Variants in DMD observed in about 807,000 individuals in gnomAD.
DMD encodes dystrophin.
Under a neutral mutation model 330.1 loss-of-function variants are expected in DMD, and 63 were observed. That is an observed-to-expected ratio of 0.19 (90% CI 0.16 to 0.24). DMD has a LOEUF of 0.24. DMD is among the 10% of genes least tolerant of loss of function. The pLI is 1.00. For synonymous variants in DMD, 1,223 were observed against 959.8 expected (o/e 1.27, Z -5.07); for missense variants, 3,344 against 2,684.1 (o/e 1.25, Z -5.43).
At chrX:31,151,131 C>T (rs983506134) in intron 74 of DMD, among the ~76,000 whole-genome samples, 2 of 111,710 alleles carry the variant, frequency 1.8e-5, no homozygotes, top group Non-Finnish European at 3.8e-5. Flanking sequence ...GGGTGTGCAC[C>T]GATGTATGTA....
At chrX:32,876,883 A>G (rs2083426151) in intron 2 of DMD, among the ~76,000 whole-genome samples, 1 of 112,226 alleles carries the variant, frequency 8.9e-6, no homozygotes, top group Non-Finnish European at 1.9e-5. Flanking sequence ...TAATGTTTTC[A>G]TTGAACGCAG....
intron 7 of DMD, among the ~76,000 whole-genome samples, chrX:32,736,772 G>A (rs947300268): frequency 1.0e-5 from 1 of 95,742 alleles, no homozygotes; most frequent in Non-Finnish European, 2.0e-5. Flanking sequence ...GTGGTGGGGT[G>A]GGGGGAGGGG....
intron 4 of DMD, among the ~76,000 whole-genome samples, chrX:32,837,302 C>T (rs968082704): frequency 4.5e-5 from 5 of 112,000 alleles, no homozygotes; most frequent in African/African-American, 1.6e-4. Flanking sequence ...TAACCTTGGA[C>T]TTCTGGTTAG....
intron 2 of DMD, among the ~76,000 whole-genome samples, chrX:32,900,638 C>A (rs2086152947): frequency 3.6e-5 from 4 of 111,656 alleles, no homozygotes; most frequent in Admixed American, 2.9e-4. Context: ...AGCCACCACA[C>A]CCAGCCCCCT....
chrX:31,544,066 C>T (rs2074000578), intron 55 of DMD, among the ~76,000 whole-genome samples: 1 of 111,049 alleles, frequency 9.0e-6, no homozygotes, highest in Non-Finnish European at 1.9e-5. Context: ...CGGCTGGGTG[C>T]GGTGGCTCAG....
chrX:32,616,927 T>G (rs1461766207), intron 11 of DMD, among the ~76,000 whole-genome samples: 1 of 109,599 alleles, frequency 9.1e-6, no homozygotes, highest in Non-Finnish European at 1.9e-5. Context: ...TTCTGTTCCT[T>G]ATCTGTGAAC....
intron 59 of DMD, among the ~76,000 whole-genome samples, chrX:31,459,252 AC>A (rs1455786341): frequency 8.9e-6 from 1 of 111,841 alleles, no homozygotes; most frequent in Non-Finnish European, 1.9e-5. Flanking sequence ...ATTTAATAAG[AC>A]CTAATAGGCT....
chrX:32,127,983 A>G (rs1244820189), intron 44 of DMD, among the ~76,000 whole-genome samples: 2 of 112,415 alleles, frequency 1.8e-5, no homozygotes, highest in Admixed American at 1.9e-4. Flanking sequence ...CATCCCTTCA[A>G]TGAAACAAAG....
chrX:32,607,432 T>C (rs192719778), intron 12 of DMD, among the ~76,000 whole-genome samples: 1 of 99,616 alleles, frequency 1.0e-5, no homozygotes, highest in East Asian at 3.7e-4. Context: ...GCTTTTTTAG[T>C]CTTACTAGAT....
intron 26 of DMD, among the ~76,000 whole-genome samples, chrX:32,450,922 A>G (rs1012448378): frequency 5.4e-5 from 6 of 111,262 alleles, no homozygotes; most frequent in Middle Eastern, 4.7e-3. Flanking sequence ...AAAATTTATT[A>G]ATCCAGGTAC....
intron 1 of DMD, among the ~76,000 whole-genome samples, chrX:33,326,966 A>G (rs192339680): frequency 1.1e-3 from 122 of 111,774 alleles, no homozygotes; most frequent in Non-Finnish European, 1.6e-3. Flanking sequence ...TACCTTGCTT[A>G]CCTCATATGG....
At chrX:33,324,710 C>T (rs2054065846) in intron 1 of DMD, among the ~76,000 whole-genome samples, 1 of 111,379 alleles carries the variant, frequency 9.0e-6, no homozygotes, top group Non-Finnish European at 1.9e-5. Context: ...TTTTGACCTG[C>T]ATTTATTCTC....
intron 2 of DMD, among the ~76,000 whole-genome samples, chrX:32,995,394 C>A (rs2093091449): frequency 8.9e-6 from 1 of 112,059 alleles, no homozygotes; most frequent in African/African-American, 3.2e-5. Context: ...GGACAACAAG[C>A]CCTCATTGTC....
chrX:31,713,283 T>C (rs1005852500), intron 52 of DMD, among the ~76,000 whole-genome samples: 1 of 46,898 alleles, frequency 2.1e-5, no homozygotes, highest in Non-Finnish European at 3.7e-5. Context: ...CAGTAGACAG[T>C]CAGTCAACAC....
intron 12 of DMD, among the ~76,000 whole-genome samples, chrX:32,600,409 A>T (rs2056059482): frequency 9.0e-6 from 1 of 111,322 alleles, no homozygotes; most frequent in Non-Finnish European, 1.9e-5. Context: ...ATTCGATGGG[A>T]GAAGCTTTTG....
At chrX:32,513,325 A>C (rs963004506) in intron 18 of DMD, among the ~76,000 whole-genome samples, 1 of 112,185 alleles carries the variant, frequency 8.9e-6, no homozygotes, top group African/African-American at 3.2e-5. Context: ...GATCATACTG[A>C]GGTTTTAATA....
At chrX:32,021,229 G>T (rs1370552250) in intron 44 of DMD, among the ~76,000 whole-genome samples, 1 of 111,897 alleles carries the variant, frequency 8.9e-6, no homozygotes, top group African/African-American at 3.2e-5. Flanking sequence ...ATTGATGAAC[G>T]TAAATATGTA....
At chrX:32,682,013 G>A (rs1327764468) in intron 9 of DMD, among the ~76,000 whole-genome samples, 1 of 111,699 alleles carries the variant, frequency 9.0e-6, no homozygotes, top group Non-Finnish European at 1.9e-5. Context: ...TAGTAGGCCA[G>A]TGTATCTGGA....
intron 16 of DMD, among the ~76,000 whole-genome samples, chrX:32,559,892 A>G (rs1168490213): frequency 9.0e-6 from 1 of 111,526 alleles, no homozygotes; most frequent in Non-Finnish European, 1.9e-5. Flanking sequence ...TAATTATATA[A>G]TAATCATTTT....
Sources: gnomAD v4.1 joint callset for allele counts (sites outside exome capture counted in the v4.1 genomes callset) on GRCh38, gnomAD v4.1.1 for gene constraint, MANE v1.5 for transcripts, NCBI Gene and HGNC (gene_info 2026-07-23, HGNC 2026-07-21) for gene names.